LINGO2: variants seen among roughly 807,000 people sequenced by gnomAD.
LINGO2 encodes the protein leucine rich repeat and Ig domain containing 2.
LINGO2 carries 14 observed loss-of-function variants against 30.6 expected under a neutral mutation model. That is an observed-to-expected ratio of 0.46 (90% CI 0.30 to 0.72). The LOEUF is 0.72. Among genes scored for constraint, LINGO2 ranks in the 30% least tolerant of loss-of-function variants. LINGO2 has a pLI of 0.07. For missense variants in LINGO2, 729 were observed against 751.7 expected (o/e 0.97, Z 0.35); for synonymous variants, 317 against 288.5 (o/e 1.10, Z -1.00).
chr9:28,077,029 A>C (rs1252166497), intron 4 of LINGO2, among the ~76,000 whole-genome samples: 2 of 152,190 alleles, frequency 1.3e-5, no homozygotes, highest in African/African-American at 4.8e-5. Flanking sequence ...ACTTTTTACC[A>C]ACATTTTGAC....
chr9:29,145,521 T>A, the LINGO2 span, among the ~76,000 whole-genome samples: 1 of 151,968 alleles, frequency 6.6e-6, no homozygotes, highest in Non-Finnish European at 1.5e-5. Flanking sequence ...TACTCCATTT[T>A]AAAAAAATAA....
the LINGO2 span, among the ~76,000 whole-genome samples, chr9:28,986,349 G>C: frequency 1.3e-5 from 2 of 151,800 alleles, no homozygotes; most frequent in Non-Finnish European, 2.9e-5. Context: ...GATTGCCTTG[G>C]CTATTCAAGG....
intron 5 of LINGO2, among the ~76,000 whole-genome samples, chr9:27,960,108 T>G (rs1819765843): frequency 1.3e-5 from 2 of 152,056 alleles, no homozygotes; most frequent in African/African-American, 2.4e-5. Flanking sequence ...TTTCAGAAAA[T>G]AAGATATTCA....
chr9:28,949,619 T>C, the LINGO2 span, among the ~76,000 whole-genome samples: 3 of 152,128 alleles, frequency 2.0e-5, no homozygotes, highest in Non-Finnish European at 4.4e-5. Context: ...CGGTAATTAA[T>C]AGCCTATCAA....
At chr9:28,570,352 A>T (rs1159536384) in intron 1 of LINGO2, among the ~76,000 whole-genome samples, 1 of 151,944 alleles carries the variant, frequency 6.6e-6, no homozygotes, top group Non-Finnish European at 1.5e-5. Flanking sequence ...AGAATTGGAC[A>T]TTGCAACCCA....
At chr9:28,173,441 T>C (rs963354416) in intron 4 of LINGO2, among the ~76,000 whole-genome samples, 2 of 152,186 alleles carry the variant, frequency 1.3e-5, no homozygotes, top group Admixed American at 6.5e-5. Context: ...ATTCAAAGAA[T>C]AAAACTCTTC....
intron 4 of LINGO2, among the ~76,000 whole-genome samples, chr9:28,089,215 C>T (rs548991161): frequency 6.6e-6 from 1 of 152,264 alleles, no homozygotes; most frequent in South Asian, 2.1e-4. Context: ...TCAAGTGGAC[C>T]TAATAGACAT....
chr9:29,135,079 T>C, the LINGO2 span, among the ~76,000 whole-genome samples: 2 of 152,192 alleles, frequency 1.3e-5, no homozygotes, highest in East Asian at 1.9e-4. Flanking sequence ...TATTGTTCTA[T>C]TGGATTTGCT....
At chr9:28,767,835 C>T in the LINGO2 span, among the ~76,000 whole-genome samples, 1 of 148,874 alleles carries the variant, frequency 6.7e-6, no homozygotes, top group African/African-American at 2.5e-5. Context: ...TTCTTTTCAG[C>T]TATCATTTTC....
rs983554774 is a variant in LINGO2, at chr9:28,399,840, G to A, written c.-278-26972C>T. On this transcript the variant is annotated intron_variant, in intron 2 of 5. Coordinates refer to ENST00000379992, the Ensembl canonical transcript of LINGO2. The stretch of plus-strand genomic sequence containing the variant: ...TTTTCAGTTCTAAGATTCTACATCC[G>A]ACATATTTGCAGTGGGCAGATTTTT... Among the ~76,000 whole-genome samples, 21 of 152,210 alleles carry A rather than the reference G, an allele frequency of 1.4e-4. No homozygotes were observed. The East Asian group carries it at 2.9e-3, about 21-fold the overall frequency.
intron 4 of LINGO2, among the ~76,000 whole-genome samples, chr9:28,192,743 A>G (rs536710047): frequency 3.9e-4 from 60 of 152,332 alleles, no homozygotes; most frequent in African/African-American, 1.4e-3. Flanking sequence ...ATTTCTGATT[A>G]ATCAGTTTAT....
intron 4 of LINGO2, among the ~76,000 whole-genome samples, chr9:28,216,302 GACC>G: frequency 6.6e-6 from 1 of 151,802 alleles, no homozygotes; most frequent in Non-Finnish European, 1.5e-5. Flanking sequence ...TAAAATTTTG[GACC>G]TTTTAAAAAC....
At chr9:28,103,127 C>T (rs1218099057) in intron 4 of LINGO2, among the ~76,000 whole-genome samples, 2 of 152,046 alleles carry the variant, frequency 1.3e-5, no homozygotes, top group Non-Finnish European at 2.9e-5. Flanking sequence ...CTTATTAGTA[C>T]AAATTTCTGT....
At chr9:28,849,480 C>A in the LINGO2 span, among the ~76,000 whole-genome samples, 1 of 151,954 alleles carries the variant, frequency 6.6e-6, no homozygotes, top group Non-Finnish European at 1.5e-5. Context: ...TTAGAGTTTA[C>A]CAAAGACTAA....
chr9:29,101,352 C>A, the LINGO2 span, among the ~76,000 whole-genome samples: 1 of 152,106 alleles, frequency 6.6e-6, no homozygotes, highest in Non-Finnish European at 1.5e-5. Flanking sequence ...TAGGGTAAAT[C>A]TATGGAAAGA....
intron 5 of LINGO2, among the ~76,000 whole-genome samples, chr9:27,996,847 G>A (rs1327462982): frequency 6.6e-6 from 1 of 152,056 alleles, no homozygotes; most frequent in Non-Finnish European, 1.5e-5. Flanking sequence ...TATGCTTGTA[G>A]CAAAATATCA....
At chr9:28,854,863 A>G in the LINGO2 span, among the ~76,000 whole-genome samples, 9 of 152,150 alleles carry the variant, frequency 5.9e-5, no homozygotes, top group South Asian at 1.7e-3. Flanking sequence ...ACAGAGCCAC[A>G]TGCTTGAGTT....
chr9:28,307,101 C>A (rs561686429), intron 3 of LINGO2, among the ~76,000 whole-genome samples: 1 of 152,126 alleles, frequency 6.6e-6, no homozygotes, highest in East Asian at 1.9e-4. Flanking sequence ...CATTCTGATA[C>A]CAAAGCCCGG....
At chr9:29,074,498 A>G in the LINGO2 span, among the ~76,000 whole-genome samples, 1 of 152,034 alleles carries the variant, frequency 6.6e-6, no homozygotes, top group Admixed American at 6.6e-5. Flanking sequence ...CTTGTAATAT[A>G]GACTGTATCT....
Sources: allele counts gnomAD v4.1 joint callset (sites outside exome capture counted in the v4.1 genomes callset), GRCh38; gene constraint gnomAD v4.1.1; transcripts MANE v1.5; gene names NCBI Gene and HGNC (gene_info 2026-07-23, HGNC 2026-07-21).